Variants in STRIP2 observed in about 807,000 individuals in gnomAD.
STRIP2 encodes the protein striatin interacting protein 2.
STRIP2 carries 84 observed loss-of-function variants against 107.1 expected under a neutral mutation model. The observed-to-expected ratio is 0.78, with a 90% CI of 0.66 to 0.94. The LOEUF (loss-of-function observed/expected upper bound fraction) is 0.94. Ranked by LOEUF, STRIP2 falls within the 40% of genes least tolerant of loss-of-function variation. STRIP2 has a pLI of 0.00. For synonymous variants in STRIP2, 394 were observed against 400.4 expected, an observed-to-expected ratio of 0.98 and a Z score of 0.19; for missense variants, 888 against 1,034.2, an observed-to-expected ratio of 0.86 and a Z score of 1.94.
chr7:129,464,761 C>T, intron 16 of STRIP2, 23 bp downstream of exon 16: 1 of 1,613,992 alleles, frequency 6.2e-7, no homozygotes, highest in South Asian at 1.1e-5. Context: ...GAGCACTTCT[C>T]CACAGGTCTT....
chr7:129,467,814 G>A (rs560455607), intron 17 of STRIP2, among the ~76,000 whole-genome samples: 1 of 152,184 alleles, frequency 6.6e-6, no homozygotes, highest in East Asian at 1.9e-4. Context: ...AATTGGAACA[G>A]TTATACTGTT....
chr7:129,480,884 A>G lies in STRIP2; in HGVS notation c.2044A>G (p.Thr682Ala). ...ACTGACCAAATGGAAACATTCCCGG[A>G]CCATGGTGAGTGTGGTTTTTTACAT... is the stretch of plus-strand genomic sequence containing the variant. ...NKLTKWKHSR[T>A]MMLVVFKSAP... Residue 682 changes from threonine (T) to alanine (A), a missense_variant, in exon 19 of 21, where the codon ACC (threonine) becomes GCC (alanine). Coordinates refer to ENST00000249344, the MANE Select transcript of STRIP2 (RefSeq NM_020704.3). 1 of 1,610,720 alleles carries G rather than the reference A, an allele frequency of 6.2e-7. No individual in the cohort carries two copies. The highest frequency in any genetic ancestry group is 1.3e-5 in the African/African-American group (1 of 74,826).
rs558283720 is a variant in STRIP2, at chr7:129,461,046, T to C, written c.1476+674T>C. Among the ~76,000 whole-genome samples the C allele has an allele frequency of 6.6e-6, 1 of 152,354 alleles. No individual in the cohort carries two copies. The highest frequency in any genetic ancestry group is 1.5e-5 in the Non-Finnish European group (1 of 68,038). ...TTGGACCAGAAAAGCATAGACGCACTCTACGGAGATTAGTTAGAAAACCCT... is the reference window on the plus strand; with the variant it reads ...TTGGACCAGAAAAGCATAGACGCACCCTACGGAGATTAGTTAGAAAACCCT... On this transcript the variant is annotated intron_variant, in intron 13 of 20. Transcript: ENST00000249344. The surrounding 1 kb of genome is among the most constrained non-coding windows in gnomAD (Gnocchi z 4.0).
At position 129,458,128 on chromosome 7, in the gene STRIP2, T is replaced by C; in HGVS notation, c.1039-87T>C. The C allele has an allele frequency of 2.1e-6, 2 of 954,728 alleles. No homozygotes were observed. Among genetic ancestry groups the C allele is most frequent in the South Asian group, 2.8e-5 (2 of 72,474 alleles). The allele number at this position is 954,728 out of a possible 1,614,324, so 59.1% of individuals were successfully genotyped here. On this transcript the variant is annotated intron_variant, in intron 9 of 20. Coordinates refer to ENST00000249344, the MANE Select transcript of STRIP2 (RefSeq NM_020704.3). The surrounding 1 kb of genome is among the most constrained non-coding windows in gnomAD (Gnocchi z 4.6). ...TTCAGATTCCATGTTCCCTGAAATG[T>C]GGAGGCCTGTGGATATGGGGTGGCC...
At chr7:129,436,189 CA>C (rs1797734324) in intron 1 of STRIP2, among the ~76,000 whole-genome samples, 1 of 152,186 alleles carries the variant, frequency 6.6e-6, no homozygotes. Context: ...GACTTTCTGC[CA>C]GCCACTGTTT....
chr7:129,451,447 T>G (rs1383497454), intron 3 of STRIP2, among the ~76,000 whole-genome samples, 166 bp from the exon 4 acceptor site: 2 of 152,186 alleles, frequency 1.3e-5, no homozygotes, highest in Non-Finnish European at 2.9e-5. Flanking sequence ...CAGAACATTT[T>G]GGGTCCTTTT....
chr7:129,463,281 T>G (rs1020572505), intron 14 of STRIP2, among the ~76,000 whole-genome samples: 3 of 152,190 alleles, frequency 2.0e-5, no homozygotes, highest in Admixed American at 2.0e-4. Flanking sequence ...CAGGATACAC[T>G]GGGGACCCTC....
intron 3 of STRIP2, among the ~76,000 whole-genome samples, chr7:129,444,437 C>A (rs770978662): frequency 6.6e-5 from 10 of 152,100 alleles, no homozygotes; most frequent in Non-Finnish European, 1.3e-4. Context: ...AAAGGCTAGG[C>A]CCATCTCTCC....
intron 3 of STRIP2, among the ~76,000 whole-genome samples, chr7:129,445,049 G>T (rs1175874598): frequency 6.6e-6 from 1 of 152,148 alleles, no homozygotes; most frequent in Non-Finnish European, 1.5e-5. Flanking sequence ...TCAGCAAGCA[G>T]CTTGGCAGGT....
intron 18 of STRIP2, among the ~76,000 whole-genome samples, chr7:129,479,251 G>T (rs1799053508): frequency 7.0e-6 from 1 of 143,026 alleles, no homozygotes; most frequent in Non-Finnish European, 1.5e-5. Context: ...TCAAGTCTGG[G>T]CAACAAAAGC....
In STRIP2 at chr7:129,450,918, C is replaced by CTTTTTTTTTTT. The variant is rs758536953; in HGVS notation, c.275-669_275-659dup. On this transcript the variant is annotated intron_variant, in intron 3 of 20. Transcript: ENST00000249344. ...GGCCACAGCATTAGTGAGAAAGGTC[C>CTTTTTTTTTTT]TTTTTTTTTTTTTTTTTTTTTTTTT... 1.7e-4 allele frequency among the ~76,000 whole-genome samples: 9 copies of CTTTTTTTTTTT among 54,512 alleles called. 3 individuals carry two copies. The highest frequency in any genetic ancestry group is 1.6e-4 in the Non-Finnish European group (5 of 31,552). The allele number at this position is 54,512 out of a possible 152,430, so 35.8% of individuals were successfully genotyped here.
At chr7:129,453,631 C>T (rs1039068988) in intron 5 of STRIP2, among the ~76,000 whole-genome samples, 11 of 152,164 alleles carry the variant, frequency 7.2e-5, no homozygotes, top group African/African-American at 2.7e-4. Flanking sequence ...TATTCAAGGA[C>T]TTTCTTAGCT....
Position 129,470,835 on chromosome 7 carries a change from G to A in STRIP2, c.1944+120G>A, listed in dbSNP as rs994930341. On this transcript the variant is annotated intron_variant, in intron 18 of 20. Transcript: ENST00000249344. ...GTTTGAGAGTCTCAGATCAATGAAG[G>A]TATATTGGCAAGAGCAGAGATGCAG... 2.3e-4 allele frequency: 185 copies of A among 817,418 alleles called. 2 individuals carry two copies. Among genetic ancestry groups the A allele is most frequent in the South Asian group, 2.2e-3 (149 of 67,886 alleles). The allele number at this position is 817,418 out of a possible 1,614,324, so 50.6% of individuals were successfully genotyped here. A position where few individuals can be genotyped will look rare whatever the true frequency, so the allele number is the denominator to read the frequency against.
Position 129,488,301 on chromosome 7 carries a change from T to C in STRIP2, c.*2472T>C, listed in dbSNP as rs1799280246. On this transcript the variant is annotated 3_prime_UTR_variant, in exon 21 of 21. Transcript: ENST00000249344. ...CATTTTAGTGACTTACAGAGGATTTTTATTTGTGAATATTTCAGTAAAGTT... is the reference window on the plus strand; with the variant it reads ...CATTTTAGTGACTTACAGAGGATTTCTATTTGTGAATATTTCAGTAAAGTT... 6.5e-6 allele frequency: 1 copy of C among 152,694 alleles called. No individual in the cohort carries two copies. The highest frequency in any genetic ancestry group is 2.4e-5 in the African/African-American group (1 of 41,470). 9.5% of individuals were successfully genotyped at this position (152,694 alleles called of 1,614,324 possible).
chr7:129,434,749 C>T (rs1797685558), intron 1 of STRIP2, 148 bp downstream of exon 1: 1 of 1,041,258 alleles, frequency 9.6e-7, no homozygotes, highest in Non-Finnish European at 1.3e-6. Context: ...AGCGGCTGAA[C>T]TCTGGGCTCT....
chr7:129,481,640 A>G (rs1190585843), intron 19 of STRIP2, among the ~76,000 whole-genome samples: 1 of 151,112 alleles, frequency 6.6e-6, no homozygotes, highest in Non-Finnish European at 1.5e-5. Flanking sequence ...AGCCGGGCTC[A>G]GTGGTGCATG....
rs967755673 is a variant in STRIP2, at chr7:129,461,465, G to C, written c.1476+1093G>C. On this transcript the variant is annotated intron_variant, in intron 13 of 20. Transcript: ENST00000249344. This position sits in a 1 kb window ranked among gnomAD's most constrained non-coding sequence, Gnocchi z 4.0. ...GCCCTGGGGCACACCAGTATGTTGA[G>C]GGGGGGATGTGTCAGGAAAGGAGCC... is the stretch of plus-strand genomic sequence containing the variant. 1.3e-5 allele frequency among the ~76,000 whole-genome samples: 2 copies of C among 152,152 alleles called. No homozygotes were observed. The highest frequency in any genetic ancestry group is 4.8e-5 in the African/African-American group (2 of 41,420).
intron 15 of STRIP2, 64 bp downstream of exon 15, chr7:129,464,205 C>A: frequency 8.3e-7 from 1 of 1,201,142 alleles, no homozygotes; most frequent in South Asian, 1.2e-5. Context: ...TCTCTCTAGT[C>A]CCCACTCACC....
chr7:129,455,230 C>G lies in STRIP2; in HGVS notation c.707-14C>G, dbSNP rs754443759. The G allele has an allele frequency of 6.2e-7, 1 of 1,605,652 alleles. No individual in the cohort carries two copies. The highest frequency in any genetic ancestry group is 2.3e-5 in the East Asian group (1 of 44,346). ...CATCCTCACTTTCTCACTCCCCTCT[C>G]TCCTCACCCCTAGGCTTCTCCATGC... On this transcript the variant is annotated splice_polypyrimidine_tract_variant and intron_variant, in intron 7 of 20. Coordinates refer to ENST00000249344, the MANE Select transcript of STRIP2 (RefSeq NM_020704.3).
Sources: gnomAD v4.1 joint callset for allele counts (sites outside exome capture counted in the v4.1 genomes callset) on GRCh38, gnomAD v4.1.1 for gene constraint, Gnocchi (gnomAD v3.1) non-coding constraint, MANE v1.5 for transcripts, NCBI Gene and HGNC (gene_info 2026-07-23, HGNC 2026-07-21) for gene names.